The following LPCAT2 variants were observed in gnomAD, a reference collection of about 807,000 sequenced individuals.
LPCAT2 encodes the protein 1-AGP acyltransferase 11.
A neutral mutation model predicts 64.7 loss-of-function variants in LPCAT2; 58 were observed. The observed-to-expected ratio is 0.90, with a 90% CI of 0.73 to 1.12. LPCAT2 has a LOEUF of 1.12. Ranked by LOEUF, LPCAT2 falls within the 50% of genes most tolerant of loss-of-function variation. The probability of loss-of-function intolerance (pLI) is 0.00; values close to 1 mark genes in which losing one functional copy is unlikely to be tolerated. For synonymous variants in LPCAT2, 252 were observed against 245.3 expected (o/e 1.03, Z -0.26); for missense variants, 579 against 669.8 (o/e 0.86, Z 1.50).
intron 10 of LPCAT2, among the ~76,000 whole-genome samples, chr16:55,550,073 CA>C (rs1320382290): frequency 2.0e-5 from 3 of 152,018 alleles, no homozygotes; most frequent in African/African-American, 7.3e-5. Context: ...GTTACTATAT[CA>C]AAGTTCAGTA....
chr16:55,569,871 A>T (rs1963749963), intron 11 of LPCAT2, among the ~76,000 whole-genome samples: 1 of 152,170 alleles, frequency 6.6e-6, no homozygotes, highest in Non-Finnish European at 1.5e-5. Flanking sequence ...TCAATATTTG[A>T]TGTTTTAAAG....
intron 11 of LPCAT2, chr16:55,566,995 G>A (rs766790678): frequency 3.1e-6 from 5 of 1,613,880 alleles, no homozygotes; most frequent in East Asian, 2.2e-5. Flanking sequence ...GAAGTTAGGC[G>A]ATTTCGGCAA....
At chr16:55,565,347 C>T (rs193268693) in intron 11 of LPCAT2, among the ~76,000 whole-genome samples, 23 of 152,102 alleles carry the variant, frequency 1.5e-4, no homozygotes, top group Non-Finnish European at 2.2e-4. Flanking sequence ...TCAGCAATTC[C>T]ACTTCTTGGT....
chr16:55,534,088 T>C (rs1256527327), intron 6 of LPCAT2, among the ~76,000 whole-genome samples: 2 of 152,148 alleles, frequency 1.3e-5, no homozygotes, highest in African/African-American at 4.8e-5. Context: ...TTCCCCCAAA[T>C]AAGCTTTTTT....
intron 11 of LPCAT2, among the ~76,000 whole-genome samples, chr16:55,568,958 G>C (rs1184281018): frequency 1.3e-5 from 2 of 152,126 alleles, no homozygotes; most frequent in African/African-American, 2.4e-5. Context: ...TGGTTCCTCT[G>C]TCTGCTATTT....
chr16:55,525,283 C>T (rs940744602), intron 1 of LPCAT2, among the ~76,000 whole-genome samples: 9 of 152,038 alleles, frequency 5.9e-5, no homozygotes, highest in South Asian at 4.1e-4. Context: ...ATTTGTCTTA[C>T]GGTTTTCTTC....
At chr16:55,568,744 G>A (rs1268370834) in intron 11 of LPCAT2, among the ~76,000 whole-genome samples, 1 of 152,188 alleles carries the variant, frequency 6.6e-6, no homozygotes, top group African/African-American at 2.4e-5. Flanking sequence ...CCATGCAGGA[G>A]AGTCAGTGTT....
At chr16:55,522,029 G>C (rs1408572894) in intron 1 of LPCAT2, among the ~76,000 whole-genome samples, 3 of 151,260 alleles carry the variant, frequency 2.0e-5, no homozygotes, top group African/African-American at 7.3e-5. Context: ...AAGACATATT[G>C]ATTAGAATGG....
intron 8 of LPCAT2, among the ~76,000 whole-genome samples, chr16:55,545,068 G>A (rs539946812): frequency 1.3e-5 from 2 of 152,184 alleles, no homozygotes; most frequent in South Asian, 4.2e-4. Context: ...CTTGAATATG[G>A]CACTAAAACC....
chr16:55,545,792 A>G lies in LPCAT2; in HGVS notation c.910A>G (p.Asn304Asp). 6 of 1,612,488 alleles carry G rather than the reference A, an allele frequency of 3.7e-6. No homozygotes were observed. Among genetic ancestry groups the G allele is most frequent in the Non-Finnish European group, 5.1e-6 (6 of 1,179,172 alleles). ...AAAAAATGATCCTGTCCTTTTTGCC[A>G]ATAAAGTCCGGAATTTAATGGCAGA... ...EEKNDPVLFA[N>D]KVRNLMAEAL... Residue 304 changes from asparagine (N) to aspartate (D), a missense_variant, in exon 9 of 14, where the codon AAT becomes GAT. Physicochemically the swap from Asn to Asp is conservative, Grantham distance 23. Transcript: ENST00000262134.
chr16:55,557,152 C>A (rs1963586109), intron 11 of LPCAT2: 1 of 152,152 alleles, frequency 6.6e-6, no homozygotes, highest in Non-Finnish European at 1.5e-5. Flanking sequence ...TGATCTCCAA[C>A]ATACTGGAAG....
intron 11 of LPCAT2, among the ~76,000 whole-genome samples, chr16:55,560,464 A>C (rs1327478621): frequency 1.3e-5 from 2 of 152,146 alleles, no homozygotes; most frequent in South Asian, 2.1e-4. Flanking sequence ...ACAATATGTC[A>C]AAGTGGGAAT....
In LPCAT2 at chr16:55,571,329, T is replaced by A. The variant is rs142806002; in HGVS notation, c.1216-3302T>A. Reference sequence around the variant, plus strand: ...TTCCTGCTGGCCCTGAAAGCTGGTGTTGTGTGACTAAGCAGATGAAAGGTG... The same window carrying A: ...TTCCTGCTGGCCCTGAAAGCTGGTGATGTGTGACTAAGCAGATGAAAGGTG... On this transcript the variant is annotated intron_variant, in intron 11 of 13. Coordinates refer to ENST00000262134, the MANE Select transcript of LPCAT2 (RefSeq NM_017839.5). 3.7e-4 allele frequency among the ~76,000 whole-genome samples: 56 copies of A among 152,226 alleles called. No individual in the cohort carries two copies. The East Asian group carries it at 0.01, about 28-fold the overall frequency.
intron 9 of LPCAT2, among the ~76,000 whole-genome samples, chr16:55,548,005 T>A (rs1181245941): frequency 6.6e-6 from 1 of 152,186 alleles, no homozygotes; most frequent in East Asian, 1.9e-4. Context: ...TGACCTCGGG[T>A]GATCCGCCTG....
At chr16:55,548,959 C>CT (rs1963483813) in intron 9 of LPCAT2, among the ~76,000 whole-genome samples, 1 of 152,188 alleles carries the variant, frequency 6.6e-6, no homozygotes, top group Non-Finnish European at 1.5e-5. Context: ...TCCACTAGGA[C>CT]TTGAACCTAA....
chr16:55,581,018 C>T (rs1160133294), intron 13 of LPCAT2, among the ~76,000 whole-genome samples: 4 of 152,226 alleles, frequency 2.6e-5, no homozygotes, highest in African/African-American at 9.6e-5. Context: ...TGGTTGGGGA[C>T]TGCTGCCTTA....
At chr16:55,565,938 A>C (rs558401714) in intron 11 of LPCAT2, among the ~76,000 whole-genome samples, 1 of 152,280 alleles carries the variant, frequency 6.6e-6, no homozygotes, top group African/African-American at 2.4e-5. Context: ...GTACTGTCTG[A>C]TTTAATTTAT....
chr16:55,529,559 A>G lies in LPCAT2; in HGVS notation c.530-276A>G, dbSNP rs540355004. Among the ~76,000 whole-genome samples the G allele has an allele frequency of 2.6e-5, 4 of 152,176 alleles. No individual in the cohort carries two copies. The South Asian group carries it at 8.3e-4, about 32-fold the overall frequency. On this transcript the variant is annotated intron_variant, in intron 3 of 13. Coordinates refer to ENST00000262134, the MANE Select transcript of LPCAT2 (RefSeq NM_017839.5). ...ATCTTGTAGCATATCCCAAAGGTTTAATGTCAATTGAGGAAGAAGACCTTT... is the reference window on the plus strand; with the variant it reads ...ATCTTGTAGCATATCCCAAAGGTTTGATGTCAATTGAGGAAGAAGACCTTT...
chr16:55,531,963 C>A lies in LPCAT2; in HGVS notation c.692C>A (p.Thr231Asn). Reference sequence around the variant, plus strand: ...TGTACTAATCGTTCCTGTTTGATTACTTTTAAACCAGGTGAGAAAAATTAA... The same window carrying A: ...TGTACTAATCGTTCCTGTTTGATTAATTTTAAACCAGGTGAGAAAAATTAA... Reference protein sequence around the residue: ...GTCTNRSCLITFKPGAFIPGV... With the variant: ...GTCTNRSCLINFKPGAFIPGV... The change falls in exon 5 of 14, where the codon ACT (threonine) becomes AAT (asparagine). Residue 231 changes from threonine to asparagine, a missense_variant. Coordinates refer to ENST00000262134, the MANE Select transcript of LPCAT2 (RefSeq NM_017839.5). 1 of 1,585,542 alleles carries A rather than the reference C, an allele frequency of 6.3e-7. No homozygotes were observed. Among genetic ancestry groups the A allele is most frequent in the Non-Finnish European group, 8.7e-7 (1 of 1,155,236 alleles).
Sources: allele counts gnomAD v4.1 joint callset (sites outside exome capture counted in the v4.1 genomes callset), GRCh38; gene constraint gnomAD v4.1.1; transcripts MANE v1.5; gene names NCBI Gene and HGNC (gene_info 2026-07-23, HGNC 2026-07-21).